The following FGF14 variants were observed in gnomAD, a reference collection of about 807,000 sequenced individuals.
FGF14 encodes the protein fibroblast growth factor 14.
FGF14 carries 5 observed loss-of-function variants against 25.5 expected under a neutral mutation model. The ratio of observed to expected loss-of-function variants is 0.20; its 90% confidence interval spans 0.10 to 0.41. FGF14 has a LOEUF of 0.41. Among genes scored for constraint, FGF14 ranks in the 10% least tolerant of loss-of-function variants. The pLI is 1.00. For synonymous variants in FGF14, 138 were observed against 118.3 expected (o/e 1.17, Z -1.08); for missense variants, 222 against 320.1 (o/e 0.69, Z 2.34).
rs150618588 is a variant in FGF14 at position 101,879,447 on chromosome 13, T to C, written c.194-4151A>G. On this transcript the variant is annotated intron_variant, in intron 1 of 4. Transcript: ENST00000376143. ...ACTGCCTTCAGATTCAGGGGAAAAA[T>C]ACACAACATTTTTAATTAAAACACT... is the stretch of plus-strand genomic sequence containing the variant. Among the ~76,000 whole-genome samples the C allele has an allele frequency of 3.1e-3, 478 of 152,224 alleles. 4 individuals are homozygous for C. The highest frequency in any genetic ancestry group is 0.011 in the African/African-American group (458 of 41,556).
chr13:101,914,098 T>C (rs536591069), intron 1 of FGF14, among the ~76,000 whole-genome samples: 201 of 152,054 alleles, frequency 1.3e-3, no homozygotes, highest in Middle Eastern at 0.01. Context: ...ATAAATATGA[T>C]TTTTTAAAAT....
At chr13:102,022,039 G>A (rs556418949) in intron 1 of FGF14, among the ~76,000 whole-genome samples, 7 of 152,140 alleles carry the variant, frequency 4.6e-5, no homozygotes, top group East Asian at 1.9e-4. Flanking sequence ...TCTACTCTGC[G>A]TCCACTTGGG....
chr13:102,103,055 T>C (rs1009999034), intron 1 of FGF14, among the ~76,000 whole-genome samples: 4 of 152,152 alleles, frequency 2.6e-5, no homozygotes, highest in East Asian at 1.9e-4. Flanking sequence ...AGAAATGACA[T>C]TGAAGGTCTA....
chr13:102,043,087 T>C (rs1356449991), intron 1 of FGF14, among the ~76,000 whole-genome samples: 1 of 152,224 alleles, frequency 6.6e-6, no homozygotes, highest in South Asian at 2.1e-4. Context: ...TTCTAGCAAA[T>C]AGCATTAGTG....
intron 1 of FGF14, among the ~76,000 whole-genome samples, chr13:102,201,102 CAAAAAAAAAAAAAAAAAAA>C (rs60149871): frequency 3.2e-5 from 2 of 62,690 alleles, no homozygotes; most frequent in Admixed American, 2.5e-4. Flanking sequence ...CTCCGTCTCT[CAAAAAAAAAAAAAAAAAAA>C]AAAAAAAAAA....
At chr13:101,988,120 T>C (rs59093000) in intron 1 of FGF14, among the ~76,000 whole-genome samples, 1 of 152,120 alleles carries the variant, frequency 6.6e-6, no homozygotes, top group African/African-American at 2.4e-5. Context: ...CCTGATTTAT[T>C]AGCAAAGACA....
intron 1 of FGF14, among the ~76,000 whole-genome samples, chr13:101,959,084 T>A (rs377270627): frequency 3.3e-5 from 5 of 152,184 alleles, no homozygotes; most frequent in African/African-American, 9.7e-5. Context: ...GATGACTGTT[T>A]CACTGCAGAT....
At chr13:102,061,293 C>T (rs1363883373) in intron 1 of FGF14, among the ~76,000 whole-genome samples, 2 of 152,218 alleles carry the variant, frequency 1.3e-5, no homozygotes, top group Non-Finnish European at 2.9e-5. Flanking sequence ...AAAGAGCGCA[C>T]TGTAACACCT....
At chr13:102,151,509 TG>T (rs2140504747) in intron 1 of FGF14, among the ~76,000 whole-genome samples, 1 of 152,332 alleles carries the variant, frequency 6.6e-6, no homozygotes, top group African/African-American at 2.4e-5. Context: ...TTTGTTTGTT[TG>T]TTTTTTGAGA....
At chr13:102,020,519 T>C (rs2040583404) in intron 1 of FGF14, among the ~76,000 whole-genome samples, 1 of 151,588 alleles carries the variant, frequency 6.6e-6, no homozygotes, top group South Asian at 2.1e-4. Flanking sequence ...TGCACTCCAG[T>C]CTGGGCAATC....
At chr13:102,210,790 G>T (rs970929808) in intron 1 of FGF14, among the ~76,000 whole-genome samples, 1 of 152,160 alleles carries the variant, frequency 6.6e-6, no homozygotes, top group South Asian at 2.1e-4. Flanking sequence ...GTAGGACAGA[G>T]AATATTGGAA....
chr13:102,387,518 A>G lies in FGF14; in HGVS notation c.208+13953T>C, dbSNP rs548641766. Among the ~76,000 whole-genome samples, 265 of 152,288 alleles carry G rather than the reference A, an allele frequency of 1.7e-3. 3 individuals are homozygous for G. The highest frequency in any genetic ancestry group is 6.0e-3 in the African/African-American group (250 of 41,568). ...AGTCCTTATATCCAAATAGCCTATGACATTTTCAGTCCTTCTTAGTTGCAG... is the reference window on the plus strand; with the variant it reads ...AGTCCTTATATCCAAATAGCCTATGGCATTTTCAGTCCTTCTTAGTTGCAG... On this transcript the variant is annotated intron_variant, in intron 1 of 4. Coordinates refer to the FGF14 transcript ENST00000376131.
chr13:102,306,815 A>G (rs922429617), intron 1 of FGF14, among the ~76,000 whole-genome samples: 1 of 152,160 alleles, frequency 6.6e-6, no homozygotes, highest in Non-Finnish European at 1.5e-5. Context: ...GAAAAAGGCC[A>G]GAGTCATATA....
exon 1 of FGF14, chr13:102,401,576 A>G: frequency 6.2e-7 from 1 of 1,614,210 alleles, no homozygotes; most frequent in Middle Eastern, 1.6e-4. Flanking sequence ...TTGGGCGAAA[A>G]GCAATCCAGC....
intron 3 of FGF14, among the ~76,000 whole-genome samples, chr13:101,746,473 C>A (rs562342625): frequency 1.3e-5 from 2 of 151,984 alleles, no homozygotes; most frequent in South Asian, 4.2e-4. Context: ...TGCTTCCCCC[C>A]AAAAATGTTA....
intron 1 of FGF14, among the ~76,000 whole-genome samples, chr13:101,901,248 G>A (rs578150569): frequency 1.6e-4 from 25 of 152,176 alleles, no homozygotes; most frequent in Middle Eastern, 3.4e-3. Flanking sequence ...CAACATTTGC[G>A]AGAAAGGGAT....
At chr13:102,189,344 T>C (rs2049035616) in intron 1 of FGF14, among the ~76,000 whole-genome samples, 1 of 152,172 alleles carries the variant, frequency 6.6e-6, no homozygotes, top group South Asian at 2.1e-4. Context: ...AGGTGCACTT[T>C]AGGAAAATAA....
intron 1 of FGF14, among the ~76,000 whole-genome samples, chr13:102,283,419 T>C (rs575266204): frequency 1.3e-5 from 2 of 152,202 alleles, no homozygotes; most frequent in Non-Finnish European, 1.5e-5. Context: ...TTCTGGTACA[T>C]GCTGGGCTAA....
rs542792737 is a variant in FGF14, at chr13:102,235,495, G to A, written c.208+165976C>T. 1.3e-4 allele frequency among the ~76,000 whole-genome samples: 20 copies of A among 152,290 alleles called. No individual in the cohort carries two copies. In the South Asian group the frequency reaches 3.9e-3, roughly 30 times the overall value. ...ACCCCAGGCACCACCTACATCTCAT[G>A]TAACAAAATCCTTAGCTGATTCGTG... On this transcript the variant is annotated intron_variant, in intron 1 of 4. Coordinates refer to the FGF14 transcript ENST00000376131.
Sources: gnomAD v4.1 joint callset for allele counts (sites outside exome capture counted in the v4.1 genomes callset) on GRCh38, gnomAD v4.1.1 for gene constraint, MANE v1.5 for transcripts, NCBI Gene and HGNC (gene_info 2026-07-23, HGNC 2026-07-21) for gene names.